Variants in BACH1 observed in about 807,000 individuals in gnomAD.
BACH1 encodes transcription regulator protein BACH1.
In BACH1, 35 loss-of-function variants were observed where a neutral mutation model predicts 52.9. The ratio of observed to expected loss-of-function variants is 0.66; its 90% CI spans 0.51 to 0.88. The LOEUF (loss-of-function observed/expected upper bound fraction) is 0.88. Ranked by LOEUF, BACH1 falls within the 40% of genes least tolerant of loss-of-function variation. The pLI, the probability that BACH1 is intolerant of heterozygous loss-of-function variation, is 0.00. For missense variants in BACH1, 808 were observed against 872.6 expected (o/e 0.93, Z 0.93); for synonymous variants, 321 against 319.6 (o/e 1.00, Z -0.05).
chr21:29,354,894 T>C (rs1291556123), intron 2 of BACH1, among the ~76,000 whole-genome samples: 1 of 152,024 alleles, frequency 6.6e-6, no homozygotes, highest in Non-Finnish European at 1.5e-5. Context: ...ACAGAGGAGA[T>C]AGCCCAGGAC....
chr21:29,348,684 G>A (rs1261482174), downstream of BACH1, among the ~76,000 whole-genome samples: 1 of 152,124 alleles, frequency 6.6e-6, no homozygotes, highest in African/African-American at 2.4e-5. Context: ...GTTGAGTGAG[G>A]GCTCCCTCTA....
At chr21:29,348,375 G>A (rs1023179226), downstream of BACH1, among the ~76,000 whole-genome samples, 4 of 151,970 alleles carry the variant, frequency 2.6e-5, no homozygotes, top group Non-Finnish European at 5.9e-5. Context: ...CTAATTCCCA[G>A]GTACTAAAGC....
intron 1 of BACH1, among the ~76,000 whole-genome samples, chr21:29,308,905 A>C (rs2088688525): frequency 6.6e-6 from 1 of 152,192 alleles, no homozygotes; most frequent in East Asian, 1.9e-4. Flanking sequence ...GTTTAGTGTC[A>C]GGTTCCTTTC....
Position 29,358,799 on chromosome 21 carries a change from AAAGAAAGAAAGAAAG to A in BACH1, c.472+29121_472+29135del, listed in dbSNP as rs1396351139. Among the ~76,000 whole-genome samples, 4 of 133,494 alleles carry A rather than the reference AAAGAAAGAAAGAAAG, an allele frequency of 3.0e-5. No homozygotes were observed. In the East Asian group the frequency reaches 6.0e-4, roughly 20 times the overall value. 87.6% of individuals were successfully genotyped at this position (133,494 alleles called of 152,430 possible). ...GAAAGAAAGAAAGAAAGAAAGAAAG[AAAGAAAGAAAGAAAG>A]AAGAAAGAAAGAAATGTAAAAAGTG... On this transcript the variant is annotated intron_variant, in intron 2 of 4. Coordinates refer to the BACH1 transcript ENST00000422809.
chr21:29,322,122 G>T (rs570223723), intron 2 of BACH1, among the ~76,000 whole-genome samples: 1 of 152,132 alleles, frequency 6.6e-6, no homozygotes, highest in Non-Finnish European at 1.5e-5. Flanking sequence ...CACCAGAATA[G>T]CACTGGAAAG....
At chr21:29,350,288 G>T (rs1040981008), downstream of BACH1, among the ~76,000 whole-genome samples, 1 of 152,116 alleles carries the variant, frequency 6.6e-6, no homozygotes. Context: ...TTCAATGTCT[G>T]TATACAATGC....
rs1322576331 is a variant in BACH1, at chr21:29,321,501, C to G, written c.221C>G (p.Thr74Ser). ...VGQADGELNI[T>S]LPEEVTVKGF... is the part of the protein sequence containing the mutation. ...CAGGCTGATGGAGAGCTGAACATTACTCTTCCAGAAGAGGTGAGAGATCCA... is the reference window on the plus strand; with the variant it reads ...CAGGCTGATGGAGAGCTGAACATTAGTCTTCCAGAAGAGGTGAGAGATCCA... The change falls in exon 2 of 5, where the codon ACT (threonine) becomes AGT (serine). Residue 74 changes from threonine to serine, a missense_variant. Thr to Ser is a moderately conservative substitution (Grantham distance 58). Coordinates refer to ENST00000286800, the MANE Select transcript of BACH1 (RefSeq NM_001186.4). 2 of 1,613,796 alleles carry G rather than the reference C, an allele frequency of 1.2e-6. No homozygotes were observed. The highest frequency in any genetic ancestry group is 2.7e-5 in the African/African-American group (2 of 74,918).
At chr21:29,339,259 C>G (rs1399820557) in intron 4 of BACH1, among the ~76,000 whole-genome samples, 1 of 152,134 alleles carries the variant, frequency 6.6e-6, no homozygotes, top group Non-Finnish European at 1.5e-5. Context: ...GTGTGTCTGT[C>G]CACACCCTCA....
At chr21:29,357,475 T>A (rs2089242040) in intron 2 of BACH1, among the ~76,000 whole-genome samples, 1 of 152,188 alleles carries the variant, frequency 6.6e-6, no homozygotes, top group South Asian at 2.1e-4. Flanking sequence ...AGTCCCTCAA[T>A]GAGTAGCGCC....
intron 1 of BACH1, among the ~76,000 whole-genome samples, chr21:29,317,353 A>G (rs2088799474): frequency 6.6e-6 from 1 of 152,220 alleles, no homozygotes; most frequent in African/African-American, 2.4e-5. Flanking sequence ...ACCAGGTCCA[A>G]CAGGTATGCT....
At chr21:29,318,979 TAAAA>T (rs796134245) in intron 1 of BACH1, among the ~76,000 whole-genome samples, 2 of 151,980 alleles carry the variant, frequency 1.3e-5, no homozygotes, top group East Asian at 3.9e-4. Context: ...ATGGAGTAGT[TAAAA>T]AAAATGTCTG....
chr21:29,357,624 G>C (rs560023838), intron 2 of BACH1, among the ~76,000 whole-genome samples: 2 of 152,106 alleles, frequency 1.3e-5, no homozygotes, highest in Non-Finnish European at 2.9e-5. Context: ...GATGGCCACC[G>C]CCACAACTAC....
At chr21:29,331,752 T>C (rs144773859) in intron 4 of BACH1, among the ~76,000 whole-genome samples, 1 of 152,294 alleles carries the variant, frequency 6.6e-6, no homozygotes, top group Non-Finnish European at 1.5e-5. Context: ...GTTCCTACTT[T>C]ATAGATTAGG....
chr21:29,359,479 T>C (rs1400738032), intron 2 of BACH1: 2 of 151,006 alleles, frequency 1.3e-5, no homozygotes, highest in East Asian at 3.9e-4. Context: ...TGTTATTTAT[T>C]AAAATTTGCT....
intron 4 of BACH1, among the ~76,000 whole-genome samples, chr21:29,335,280 T>G (rs1337444572): frequency 6.6e-6 from 1 of 152,184 alleles, no homozygotes; most frequent in Non-Finnish European, 1.5e-5. Context: ...ACAGCGGGGT[T>G]GATGCAAGGA....
chr21:29,327,984 T>C (rs748064462), intron 3 of BACH1, among the ~76,000 whole-genome samples: 1 of 152,236 alleles, frequency 6.6e-6, no homozygotes, highest in African/African-American at 2.4e-5. Flanking sequence ...AATGCCATGC[T>C]GCAAGACAAA....
chr21:29,342,045 C>T lies in BACH1; in HGVS notation c.1777-354C>T, dbSNP rs558581264. Among the ~76,000 whole-genome samples the T allele has an allele frequency of 1.4e-4, 22 of 152,286 alleles. No individual in the cohort carries two copies. In the East Asian group the frequency reaches 4.2e-3, roughly 29 times the overall value. ...AAAACTGCCCCAAATTGACATTAGACTACATAGTCTTTATCCTACTTTCTT... is the reference window on the plus strand; with the variant it reads ...AAAACTGCCCCAAATTGACATTAGATTACATAGTCTTTATCCTACTTTCTT... On this transcript the variant is annotated intron_variant, in intron 4 of 4. Transcript: ENST00000286800.
At chr21:29,324,271 A>G (rs2088883408) in intron 2 of BACH1, among the ~76,000 whole-genome samples, 1 of 149,636 alleles carries the variant, frequency 6.7e-6, no homozygotes, top group Non-Finnish European at 1.5e-5. Context: ...ACTTGCCAAC[A>G]CAAAGATCCC....
chr21:29,343,469 G>T lies in BACH1; in HGVS notation c.*636G>T, dbSNP rs1434563549. On this transcript the variant is annotated 3_prime_UTR_variant, in exon 5 of 5. Transcript: ENST00000286800. ...AAGTGGTTGGCCTAAGACGGGGGCT[G>T]CTTCTCCTCTTCAGTATGGACTCTA... 2 of 152,268 alleles carry T rather than the reference G, an allele frequency of 1.3e-5. No homozygotes were observed. The highest frequency in any genetic ancestry group is 2.9e-5 in the Non-Finnish European group (2 of 68,086). The allele number at this position is 152,268 out of a possible 1,614,324, so 9.4% of individuals were successfully genotyped here. A position where few individuals can be genotyped will look rare whatever the true frequency, so the allele number is the denominator to read the frequency against.
Sources: allele counts gnomAD v4.1 joint callset (sites outside exome capture counted in the v4.1 genomes callset), GRCh38; gene constraint gnomAD v4.1.1; transcripts MANE v1.5; gene names NCBI Gene and HGNC (gene_info 2026-07-23, HGNC 2026-07-21).